KIAA1328: variants seen among roughly 807,000 people sequenced by gnomAD.
KIAA1328 encodes protein hinderin.
A neutral mutation model predicts 68.1 loss-of-function variants in KIAA1328; 52 were observed. The ratio of observed to expected loss-of-function variants is 0.76; its 90% CI spans 0.61 to 0.96. The LOEUF is 0.96. KIAA1328 is among the 40% of genes least tolerant of loss of function. KIAA1328 has a pLI of 0.00. For synonymous variants in KIAA1328, 232 were observed against 239.4 expected, an observed-to-expected ratio of 0.97 and a Z score of 0.28; for missense variants, 641 against 677.6, an observed-to-expected ratio of 0.95 and a Z score of 0.60.
intron 4 of KIAA1328, among the ~76,000 whole-genome samples, chr18:36,856,495 C>G (rs1306906148): frequency 6.6e-6 from 1 of 152,120 alleles, no homozygotes; most frequent in Non-Finnish European, 1.5e-5. Context: ...TTATACTTCT[C>G]AGGTCCTGAA....
chr18:37,039,557 C>T (rs1199431876), intron 6 of KIAA1328, among the ~76,000 whole-genome samples: 2 of 151,910 alleles, frequency 1.3e-5, no homozygotes, highest in Admixed American at 6.6e-5. Flanking sequence ...GGACTACAAG[C>T]GAACGCCACC....
At chr18:37,031,544 C>T (rs945506683) in intron 6 of KIAA1328, among the ~76,000 whole-genome samples, 9 of 152,056 alleles carry the variant, frequency 5.9e-5, no homozygotes, top group Admixed American at 1.3e-4. Flanking sequence ...ACTTTTACTC[C>T]ACCTTTGTCT....
intron 9 of KIAA1328, among the ~76,000 whole-genome samples, chr18:37,194,405 A>G (rs2059964696): frequency 6.6e-6 from 1 of 152,168 alleles, no homozygotes; most frequent in African/African-American, 2.4e-5. Flanking sequence ...TCCACTTTCC[A>G]CTGTTATTAG....
chr18:36,835,147 G>A, intron 2 of KIAA1328, 87 bp from the exon 3 acceptor site: 1 of 1,142,830 alleles, frequency 8.8e-7, no homozygotes, highest in Non-Finnish European at 1.2e-6. Flanking sequence ...GTCCCTTAAA[G>A]TAGAGGATTC....
intron 7 of KIAA1328, among the ~76,000 whole-genome samples, chr18:37,112,451 C>G (rs1188032049): frequency 6.6e-6 from 1 of 152,212 alleles, no homozygotes; most frequent in East Asian, 1.9e-4. Context: ...AGACCTGTGG[C>G]TGAGGGTTCT....
chr18:36,962,807 A>G (rs2051744834), intron 6 of KIAA1328, among the ~76,000 whole-genome samples: 1 of 152,222 alleles, frequency 6.6e-6, no homozygotes. Context: ...TCTCTGGGAC[A>G]CATTTAAAGC....
intron 5 of KIAA1328, among the ~76,000 whole-genome samples, chr18:36,911,689 A>C (rs1052061910): frequency 6.6e-6 from 1 of 152,218 alleles, no homozygotes; most frequent in African/African-American, 2.4e-5. Flanking sequence ...ACCTACTTAG[A>C]TTCAACGCAA....
At chr18:36,945,037 C>T (rs2050849593) in intron 5 of KIAA1328, among the ~76,000 whole-genome samples, 1 of 152,158 alleles carries the variant, frequency 6.6e-6, no homozygotes. Context: ...TTAAGATAAA[C>T]ATGAATGCTT....
chr18:37,080,669 G>A (rs533703334), intron 7 of KIAA1328, among the ~76,000 whole-genome samples: 53 of 151,904 alleles, frequency 3.5e-4, no homozygotes, highest in African/African-American at 1.2e-3. Context: ...CAGCTACTCG[G>A]GAGGCTGAGG....
intron 4 of KIAA1328, among the ~76,000 whole-genome samples, chr18:36,865,108 C>CT (rs1292331350): frequency 2.0e-5 from 3 of 149,906 alleles, no homozygotes; most frequent in Admixed American, 6.6e-5. Context: ...TTTTCCTCTT[C>CT]TTTTTTTTAT....
In KIAA1328 at chr18:36,992,398, A is replaced by G. The variant is rs149646591; in HGVS notation, c.576+32963A>G. Among the ~76,000 whole-genome samples, 722 of 150,204 alleles carry G rather than the reference A, an allele frequency of 4.8e-3. 7 individuals carry two copies. Among genetic ancestry groups the G allele is most frequent in the Non-Finnish European group, 7.6e-3 (518 of 67,766 alleles). ...CATGTAGGTTTCTAATTCATTTGCA[A>G]TTAATTCTGGGAATTGATGCGAGGC... On this transcript the variant is annotated intron_variant, in intron 6 of 9. Transcript: ENST00000280020.
intron 6 of KIAA1328, among the ~76,000 whole-genome samples, chr18:36,985,512 T>C (rs2052882800): frequency 6.6e-6 from 1 of 152,120 alleles, no homozygotes; most frequent in Admixed American, 6.6e-5. Context: ...GACAAATCAG[T>C]AAAACAGAGT....
chr18:36,940,511 G>T (rs976947911), intron 5 of KIAA1328, among the ~76,000 whole-genome samples: 1 of 152,136 alleles, frequency 6.6e-6, no homozygotes, highest in Non-Finnish European at 1.5e-5. Context: ...TGCTGTAGTT[G>T]TGAAGCATTT....
At chr18:37,013,011 ATTGT>A (rs2054028048) in intron 6 of KIAA1328, among the ~76,000 whole-genome samples, 1 of 152,150 alleles carries the variant, frequency 6.6e-6, no homozygotes, top group Non-Finnish European at 1.5e-5. Context: ...AATTCTCTAT[ATTGT>A]TTATTTCTGC....
At chr18:37,020,808 C>T (rs1427119804) in intron 6 of KIAA1328, among the ~76,000 whole-genome samples, 4 of 152,326 alleles carry the variant, frequency 2.6e-5, no homozygotes, top group Admixed American at 1.3e-4. Flanking sequence ...CCTGTTTGCA[C>T]ATACGCACGT....
At chr18:37,012,092 C>T (rs886863465) in intron 6 of KIAA1328, among the ~76,000 whole-genome samples, 12 of 152,122 alleles carry the variant, frequency 7.9e-5, no homozygotes, top group African/African-American at 2.9e-4. Context: ...TATATTAAAT[C>T]TTTGAAAGGA....
intron 3 of KIAA1328, among the ~76,000 whole-genome samples, chr18:36,839,601 G>A (rs1219177613): frequency 6.6e-6 from 1 of 151,978 alleles, no homozygotes; most frequent in African/African-American, 2.4e-5. Context: ...CTGCTTCTTT[G>A]CCTGCTTGGT....
At chr18:36,872,187 G>C (rs926721147) in intron 4 of KIAA1328, among the ~76,000 whole-genome samples, 2 of 152,096 alleles carry the variant, frequency 1.3e-5, no homozygotes, top group Admixed American at 6.6e-5. Flanking sequence ...GGAGGGTCCA[G>C]GGGGAGGCAA....
intron 6 of KIAA1328, among the ~76,000 whole-genome samples, chr18:36,971,845 A>G (rs1338233740): frequency 6.6e-6 from 1 of 152,106 alleles, no homozygotes; most frequent in Admixed American, 6.5e-5. Flanking sequence ...ACAGACACTG[A>G]AGCCTACTAA....
Sources: allele counts gnomAD v4.1 joint callset (sites outside exome capture counted in the v4.1 genomes callset), GRCh38; gene constraint gnomAD v4.1.1; transcripts MANE v1.5; gene names NCBI Gene and HGNC (gene_info 2026-07-23, HGNC 2026-07-21).